The following FANK1 variants were observed in gnomAD, a reference collection of about 807,000 sequenced individuals.
FANK1 encodes the protein fibronectin type 3 and ankyrin repeat domains protein 1.
In FANK1, 44 loss-of-function variants were observed where a neutral mutation model predicts 45.3. The ratio of observed to expected loss-of-function variants is 0.97; its 90% CI spans 0.76 to 1.25. FANK1 has a LOEUF of 1.25. Among genes scored for constraint, FANK1 ranks in the 50% most tolerant of loss-of-function variants. The probability of loss-of-function intolerance (pLI) is 0.00; values close to 1 mark genes in which losing one functional copy is unlikely to be tolerated. For missense variants in FANK1, 391 were observed against 424.4 expected (o/e 0.92, Z 0.69); for synonymous variants, 149 against 152.5 (o/e 0.98, Z 0.17).
chr10:125,949,248 A>G (rs1305330454), intron 1 of FANK1, among the ~76,000 whole-genome samples: 1 of 150,622 alleles, frequency 6.6e-6, no homozygotes, highest in Non-Finnish European at 1.5e-5. Flanking sequence ...TATTCAACAT[A>G]GTGTTGTAAG....
At chr10:125,904,303 A>G (rs1945298483) in intron 1 of FANK1, among the ~76,000 whole-genome samples, 1 of 152,300 alleles carries the variant, frequency 6.6e-6, no homozygotes, top group African/African-American at 2.4e-5. Context: ...CATAAGAAGT[A>G]TGTATACCCC....
At chr10:125,898,981 A>T (rs1311036743) in intron 1 of FANK1, among the ~76,000 whole-genome samples, 1 of 150,508 alleles carries the variant, frequency 6.6e-6, no homozygotes, top group African/African-American at 2.5e-5. Context: ...TACACCCTCG[A>T]ACTCTTGGAC....
chr10:125,956,791 A>T (rs1949604070), intron 1 of FANK1, among the ~76,000 whole-genome samples: 1 of 152,202 alleles, frequency 6.6e-6, no homozygotes, highest in East Asian at 1.9e-4. Context: ...TGATTTTAAT[A>T]ACCAGGAAAA....
At chr10:125,979,929 G>T in intron 1 of FANK1, 1 of 629,852 alleles carries the variant, frequency 1.6e-6, no homozygotes, top group Non-Finnish European at 2.9e-6. Flanking sequence ...GTATGATATT[G>T]ATGGGCATGG....
At chr10:125,974,970 C>T (rs1950767456) in intron 1 of FANK1, 1 of 151,962 alleles carries the variant, frequency 6.6e-6, no homozygotes, top group African/African-American at 2.4e-5. Context: ...CGCTCAATAC[C>T]CAATAGTTAC....
At chr10:125,965,920 G>C (rs1254453161) in intron 1 of FANK1, among the ~76,000 whole-genome samples, 4 of 152,174 alleles carry the variant, frequency 2.6e-5, no homozygotes, top group Non-Finnish European at 4.4e-5. Flanking sequence ...CCTTATGTTC[G>C]TGAAGTCCTT....
At chr10:125,949,814 C>G (rs1413974469) in intron 1 of FANK1, among the ~76,000 whole-genome samples, 139 of 144,690 alleles carry the variant, frequency 9.6e-4, no homozygotes, top group Non-Finnish European at 1.5e-3. Context: ...CCAAGTCAAT[C>G]CTAAGCCAAA....
At chr10:125,940,956 T>G (rs1173336578) in intron 1 of FANK1, among the ~76,000 whole-genome samples, 1 of 152,230 alleles carries the variant, frequency 6.6e-6, no homozygotes, top group Non-Finnish European at 1.5e-5. Context: ...GGGGCTAAAG[T>G]TACAGATTAA....
chr10:126,007,841 G>C (rs991035654), intron 7 of FANK1, among the ~76,000 whole-genome samples: 6 of 152,202 alleles, frequency 3.9e-5, no homozygotes, highest in Admixed American at 3.9e-4. Context: ...ACACTAAATT[G>C]AGAGATTTCA....
intron 7 of FANK1, among the ~76,000 whole-genome samples, chr10:126,006,815 G>A (rs932363134): frequency 4.6e-5 from 7 of 152,168 alleles, no homozygotes; most frequent in Non-Finnish European, 1.0e-4. Flanking sequence ...AGCCAAGATT[G>A]TGCCACTGCA....
At chr10:125,921,588 C>T (rs1435382196) in intron 1 of FANK1, among the ~76,000 whole-genome samples, 2 of 152,150 alleles carry the variant, frequency 1.3e-5, no homozygotes, top group Non-Finnish European at 2.9e-5. Flanking sequence ...TTTATCAGAA[C>T]CTGCCAAATT....
chr10:126,008,602 A>G (rs1404318681), intron 8 of FANK1, 52 bp downstream of exon 8: 5 of 1,553,424 alleles, frequency 3.2e-6, no homozygotes, highest in Non-Finnish European at 4.3e-6. Context: ...TTAATGTCAG[A>G]GCTTTTTCTG....
intron 1 of FANK1, among the ~76,000 whole-genome samples, chr10:125,911,498 C>A (rs1030956113): frequency 3.3e-5 from 5 of 152,332 alleles, no homozygotes; most frequent in African/African-American, 1.2e-4. Context: ...CAATTATAAG[C>A]AAAGCTGCAA....
At chr10:125,984,300 A>T (rs370113796) in intron 2 of FANK1, among the ~76,000 whole-genome samples, 1 of 152,222 alleles carries the variant, frequency 6.6e-6, no homozygotes, top group Non-Finnish European at 1.5e-5. Context: ...AGAGCATGGC[A>T]TGCTGTTTCT....
At chr10:125,974,325 C>G (rs759851346) in intron 1 of FANK1, among the ~76,000 whole-genome samples, 1 of 152,132 alleles carries the variant, frequency 6.6e-6, no homozygotes, top group Non-Finnish European at 1.5e-5. Context: ...TGCAGGAAGA[C>G]CCCTGGGTCT....
rs576380138 is a variant in FANK1 at position 125,946,194 on chromosome 10, A to T, written c.14-33967A>T. 4.6e-3 allele frequency among the ~76,000 whole-genome samples: 700 copies of T among 152,042 alleles called. 3 individuals are homozygous for T. The highest frequency in any genetic ancestry group is 0.016 in the African/African-American group (645 of 41,510). On this transcript the variant is annotated intron_variant, in intron 1 of 10. Transcript: ENST00000368693. ...AGAAAAACTGGAAACTCTAAAACGC[A>T]GAGCACCTCTCCTCCTCCAAAGGAA...
intron 2 of FANK1, among the ~76,000 whole-genome samples, chr10:125,984,862 A>G (rs1332154633): frequency 6.6e-6 from 1 of 152,114 alleles, no homozygotes; most frequent in Non-Finnish European, 1.5e-5. Context: ...TCACTCTAAG[A>G]TTCATTTATT....
chr10:125,920,051 G>A (rs1009382953), intron 1 of FANK1, among the ~76,000 whole-genome samples: 1 of 152,130 alleles, frequency 6.6e-6, no homozygotes, highest in African/African-American at 2.4e-5. Flanking sequence ...TAATACAGAG[G>A]TTGAACTTGG....
intron 1 of FANK1, among the ~76,000 whole-genome samples, chr10:125,956,204 G>GGT (rs1554930982): frequency 1.4e-5 from 2 of 146,180 alleles, no homozygotes; most frequent in African/African-American, 2.5e-5. Flanking sequence ...ACATTTTTTG[G>GGT]GGGGGGGGCG....
Sources: allele counts gnomAD v4.1 joint callset (sites outside exome capture counted in the v4.1 genomes callset), GRCh38; gene constraint gnomAD v4.1.1; transcripts MANE v1.5; gene names NCBI Gene and HGNC (gene_info 2026-07-23, HGNC 2026-07-21).